Variants in ZNRF3 observed in about 807,000 individuals in gnomAD.
ZNRF3 encodes the protein zinc and ring finger 3.
In ZNRF3, 23 loss-of-function variants were observed where a neutral mutation model predicts 72.5. The observed-to-expected ratio is 0.32, with a 90% CI of 0.23 to 0.45. The LOEUF (loss-of-function observed/expected upper bound fraction) is 0.45, where lower values mean the gene tolerates loss of function less well. Ranked by LOEUF, ZNRF3 falls within the 20% of genes least tolerant of loss-of-function variation. ZNRF3 has a pLI of 1.00. For missense variants in ZNRF3, 1,169 were observed against 1,272.1 expected, an observed-to-expected ratio of 0.92 and a Z score of 1.23; for synonymous variants, 610 against 545.3, an observed-to-expected ratio of 1.12 and a Z score of -1.65.
chr22:28,921,894 C>T (rs556097548), intron 1 of ZNRF3, among the ~76,000 whole-genome samples: 4 of 152,244 alleles, frequency 2.6e-5, no homozygotes, highest in South Asian at 2.1e-4. Flanking sequence ...ATCTGTGCTA[C>T]GTTAGGATTA....
At chr22:28,951,073 T>G (rs1356551102) in intron 1 of ZNRF3, among the ~76,000 whole-genome samples, 1 of 152,244 alleles carries the variant, frequency 6.6e-6, no homozygotes, top group African/African-American at 2.4e-5. Context: ...TTCATTTAAC[T>G]TATTCCTTTA....
At chr22:28,926,916 G>T (rs2034613603) in intron 1 of ZNRF3, among the ~76,000 whole-genome samples, 1 of 151,848 alleles carries the variant, frequency 6.6e-6, no homozygotes, top group Non-Finnish European at 1.5e-5. Flanking sequence ...GAGGTCAGGA[G>T]TTTGAGACCA....
At position 29,050,059 on chromosome 22, in the gene ZNRF3, C is replaced by A; in HGVS notation, c.1878C>A (p.Gly626=). ...GGGGACCTGCCCTGTGCTTCGAGGG[C>A]TCCCCGCCTCCCGAGGAGCTCCCGG... ...SGRGPALCFE[G]SPPPEELPAV... The change falls in exon 8 of 9, where the codon GGC becomes GGA. Residue 626 remains glycine, a synonymous_variant. Transcript: ENST00000544604. 1 of 1,607,158 alleles carries A rather than the reference C, an allele frequency of 6.2e-7. No homozygotes were observed.
intron 1 of ZNRF3, among the ~76,000 whole-genome samples, chr22:28,985,505 T>C (rs527740468): frequency 1.3e-5 from 2 of 152,328 alleles, no homozygotes; most frequent in Admixed American, 1.3e-4. Flanking sequence ...ACCAAACTCA[T>C]GTTACGCTTG....
chr22:28,972,196 A>G (rs1017889439), intron 1 of ZNRF3, among the ~76,000 whole-genome samples: 2 of 152,204 alleles, frequency 1.3e-5, no homozygotes, highest in African/African-American at 4.8e-5. Context: ...GAGTTGTACA[A>G]CCATCACCAC....
intron 2 of ZNRF3, among the ~76,000 whole-genome samples, chr22:29,029,034 C>T (rs974878041): frequency 2.0e-5 from 3 of 152,178 alleles, no homozygotes; most frequent in African/African-American, 7.2e-5. Flanking sequence ...TGGCAGCATG[C>T]CCCTCTTCCC....
At chr22:28,981,992 A>G (rs896732514) in intron 1 of ZNRF3, among the ~76,000 whole-genome samples, 4 of 146,138 alleles carry the variant, frequency 2.7e-5, no homozygotes, top group African/African-American at 1.0e-4. Context: ...GACTCCGTCT[A>G]AAAAAAAAAA....
chr22:28,940,495 G>GC (rs1475420613), intron 1 of ZNRF3, among the ~76,000 whole-genome samples: 4 of 107,246 alleles, frequency 3.7e-5, no homozygotes, highest in Non-Finnish European at 8.1e-5. Context: ...CTAGGTTTCT[G>GC]CTTTTTTTTT....
chr22:29,024,237 A>C (rs1437057556), intron 2 of ZNRF3, among the ~76,000 whole-genome samples: 1 of 150,348 alleles, frequency 6.7e-6, no homozygotes, highest in Non-Finnish European at 1.5e-5. Context: ...TCTGTGGTTC[A>C]GTCTCTCGAG....
intron 1 of ZNRF3, among the ~76,000 whole-genome samples, chr22:28,890,540 T>C (rs1219912474): frequency 6.6e-6 from 1 of 152,142 alleles, no homozygotes; most frequent in Non-Finnish European, 1.5e-5. Context: ...GGGGTGTTTA[T>C]ATTCCAAGGC....
Position 28,921,221 on chromosome 22 carries a change from C to A in ZNRF3, c.300+37155C>A, listed in dbSNP as rs192881288. On this transcript the variant is annotated intron_variant, in intron 1 of 8. Coordinates refer to ENST00000544604, the MANE Select transcript of ZNRF3 (RefSeq NM_001206998.2). ...TTCTCTTTTAAGTGGGAAGCCCCCC[C>A]CACCCCTAGTAGTCTGTTTCACTTA... Among the ~76,000 whole-genome samples, 3 of 152,260 alleles carry A rather than the reference C, an allele frequency of 2.0e-5. No individual in the cohort carries two copies. The East Asian group carries it at 5.8e-4, about 29-fold the overall frequency.
intron 4 of ZNRF3, among the ~76,000 whole-genome samples, 199 bp downstream of exon 4, chr22:29,043,629 T>A (rs1485652682): frequency 6.6e-6 from 1 of 152,224 alleles, no homozygotes; most frequent in Non-Finnish European, 1.5e-5. Flanking sequence ...TGAGAAATCC[T>A]ACCAGAAATA....
rs1173095614 is a variant in ZNRF3 at position 29,055,178 on chromosome 22, A to G, written c.*1556A>G. ...AGGGATTGTCATCCTTTTTTGTCCA[A>G]TGTATTCCTTGTTCTTTAAAAAAAT... On this transcript the variant is annotated 3_prime_UTR_variant, in exon 9 of 9. Coordinates refer to ENST00000544604, the MANE Select transcript of ZNRF3 (RefSeq NM_001206998.2). 1.3e-5 allele frequency: 2 copies of G among 152,624 alleles called. No homozygotes were observed. Among genetic ancestry groups the G allele is most frequent in the African/African-American group, 4.8e-5 (2 of 41,454 alleles). The allele number at this position is 152,624 out of a possible 1,614,324, so 9.5% of individuals were successfully genotyped here. A position where few individuals can be genotyped will look rare whatever the true frequency, so the allele number is the denominator to read the frequency against.
At chr22:29,028,305 G>C (rs2036681709) in intron 2 of ZNRF3, among the ~76,000 whole-genome samples, 1 of 152,138 alleles carries the variant, frequency 6.6e-6, no homozygotes, top group Non-Finnish European at 1.5e-5. Context: ...ACCTCTCAGG[G>C]AGGGCCAGAT....
At chr22:29,033,535 T>C (rs73882440) in intron 2 of ZNRF3, among the ~76,000 whole-genome samples, 2,573 of 152,028 alleles carry the variant, frequency 0.017, 79 homozygotes, top group African/African-American at 0.06. Context: ...GGAGACCGTG[T>C]TGGGGAGGGG....
At chr22:28,953,658 A>G (rs1275632476) in intron 1 of ZNRF3, among the ~76,000 whole-genome samples, 4 of 152,214 alleles carry the variant, frequency 2.6e-5, no homozygotes, top group Non-Finnish European at 4.4e-5. Flanking sequence ...AGGTTCCCAT[A>G]TATCCTGAAA....
At chr22:28,902,225 C>T (rs1416337647) in intron 1 of ZNRF3, among the ~76,000 whole-genome samples, 2 of 152,166 alleles carry the variant, frequency 1.3e-5, no homozygotes, top group Admixed American at 1.3e-4. Flanking sequence ...GTGTGAGCCA[C>T]CGCGCTTGGC....
intron 2 of ZNRF3, among the ~76,000 whole-genome samples, chr22:29,002,522 AAG>A (rs2036166587): frequency 6.6e-6 from 1 of 152,248 alleles, no homozygotes; most frequent in African/African-American, 2.4e-5. Context: ...TGTGTTTGAA[AAG>A]AGAACAACTC....
chr22:28,897,477 C>A (rs924746817), intron 1 of ZNRF3, among the ~76,000 whole-genome samples: 1 of 152,208 alleles, frequency 6.6e-6, no homozygotes, highest in Non-Finnish European at 1.5e-5. Context: ...TGCGCCACCA[C>A]GCCCTGCTAA....
Sources: allele counts gnomAD v4.1 joint callset (sites outside exome capture counted in the v4.1 genomes callset), GRCh38; gene constraint gnomAD v4.1.1; transcripts MANE v1.5; gene names NCBI Gene and HGNC (gene_info 2026-07-23, HGNC 2026-07-21).